Variants in PARD6A observed in about 807,000 individuals in gnomAD.
PARD6A encodes par-6 family cell polarity regulator alpha, also known as partitioning defective 6 homolog alpha.
In PARD6A, 20 loss-of-function variants were observed where a neutral mutation model predicts 21.3. That is an observed-to-expected ratio of 0.94 (90% CI 0.66 to 1.36). PARD6A has a LOEUF of 1.36. Ranked by LOEUF, PARD6A falls within the 40% of genes most tolerant of loss-of-function variation. PARD6A has a pLI of 0.00. For missense variants in PARD6A, 411 were observed against 482.0 expected, an observed-to-expected ratio of 0.85 and a Z score of 1.38; for synonymous variants, 214 against 204.8, an observed-to-expected ratio of 1.04 and a Z score of -0.38.
In PARD6A at chr16:67,661,176, G is replaced by A. The variant is rs554684021; in HGVS notation, c.63+75G>A. Reference sequence around the variant, plus strand: ...TCCCCTTCCCAGCTCCTTGGTCCCCGCCACCTCTTCCCTCTATCCTCCAAG... The same window carrying A: ...TCCCCTTCCCAGCTCCTTGGTCCCCACCACCTCTTCCCTCTATCCTCCAAG... On this transcript the variant is annotated intron_variant, in intron 1 of 2. Transcript: ENST00000458121. The surrounding 1 kb of genome is among the most constrained non-coding windows in gnomAD (Gnocchi z 7.0). 220 of 1,288,056 alleles carry A rather than the reference G, an allele frequency of 1.7e-4. No individual in the cohort carries two copies. The highest frequency in any genetic ancestry group is 2.4e-4 in the Non-Finnish European group (214 of 887,756). The allele number at this position is 1,288,056 out of a possible 1,614,324, so 79.8% of individuals were successfully genotyped here.
rs1325520786 is a variant in PARD6A at position 67,662,546 on chromosome 16, C to T, written c.937C>T (p.Pro313Ser). ...GGACCTGCACCCTGGCTGCCGACAT[C>T]CTGGTACCCGCAGCTCTCTGCCCTC... is the stretch of plus-strand genomic sequence containing the variant. Reference protein sequence around the residue: ...CWDLHPGCRHPGTRSSLPSLD... With the variant: ...CWDLHPGCRHSGTRSSLPSLD... The change falls in exon 3 of 3, where the codon CCT becomes TCT. Residue 313 changes from proline to serine, a missense_variant. Physicochemically the swap from Pro to Ser is moderately conservative, Grantham distance 74. Transcript: ENST00000458121. The surrounding 1 kb of genome is among the most constrained non-coding windows in gnomAD (Gnocchi z 6.9). 1 of 1,613,194 alleles carries T rather than the reference C, an allele frequency of 6.2e-7. No individual in the cohort carries two copies. The highest frequency in any genetic ancestry group is 1.7e-5 in the Admixed American group (1 of 60,026).
Position 67,661,640 on chromosome 16 carries a change from C to T in PARD6A, c.249C>T (p.Ser83=). 2.6e-6 allele frequency: 4 copies of T among 1,557,422 alleles called. No homozygotes were observed. Among genetic ancestry groups the T allele is most frequent in the Non-Finnish European group, 2.6e-6 (3 of 1,155,834 alleles). The change falls in exon 2 of 3, where the codon AGC becomes AGT. Residue 83 remains serine (S), a synonymous_variant. Transcript: ENST00000458121. The surrounding 1 kb of genome is among the most constrained non-coding windows in gnomAD (Gnocchi z 7.0). The part of the protein sequence containing the change: ...NDDSLHRALA[S]GPPPLRLLVQ... ...ACAGCCTGCACCGGGCCCTGGCCAG[C>T]GGGCCCCCGCCACTGCGCCTACTGG...
Position 67,661,674 on chromosome 16 carries a change from C to T in PARD6A, c.283C>T (p.Arg95Trp). 2 of 1,607,316 alleles carry T rather than the reference C, an allele frequency of 1.2e-6. No homozygotes were observed. Among genetic ancestry groups the T allele is most frequent in the Non-Finnish European group, 1.7e-6 (2 of 1,179,666 alleles). The change falls in exon 2 of 3, where the codon CGG (arginine) becomes TGG (tryptophan). Residue 95 changes from arginine (R) to tryptophan (W), a missense_variant. Arg to Trp is a moderately radical substitution (Grantham distance 101, BLOSUM62 -3). Coordinates refer to ENST00000458121, the MANE Select transcript of PARD6A (RefSeq NM_001037281.2). This position sits in a 1 kb window ranked among gnomAD's most constrained non-coding sequence, Gnocchi z 7.0. ...GCCACTGCGCCTACTGGTGCAGAAG[C>T]GGGGTGAGGAGGGGTACAGTGGGCA... ...PPPLRLLVQK[R>W]EADSSGLAFA...
In PARD6A at chr16:67,662,568, C is replaced by T; in HGVS notation, c.959C>T (p.Pro320Leu). The T allele has an allele frequency of 6.2e-7, 1 of 1,612,726 alleles. No individual in the cohort carries two copies. Among genetic ancestry groups the T allele is most frequent in the Non-Finnish European group, 8.5e-7 (1 of 1,179,848 alleles). The change falls in exon 3 of 3, where the codon CCC (proline) becomes CTC (leucine). Residue 320 changes from proline (P) to leucine (L), a missense_variant. Pro to Leu is a moderately conservative substitution (Grantham distance 98). Transcript: ENST00000458121. This position sits in a 1 kb window ranked among gnomAD's most constrained non-coding sequence, Gnocchi z 6.9. ...CRHPGTRSSL[P>L]SLDDQEQASS... ...CATCCTGGTACCCGCAGCTCTCTGC[C>T]CTCCCTGGATGACCAGGAGCAGGCC...
chr16:67,661,140 T>G lies in PARD6A; in HGVS notation c.63+39T>G, dbSNP rs1407531786. 6.6e-7 allele frequency: 1 copy of G among 1,505,184 alleles called. No individual in the cohort carries two copies. The highest frequency in any genetic ancestry group is 1.1e-5 in the South Asian group (1 of 89,002). The allele number at this position is 1,505,184 out of a possible 1,614,324, so 93.2% of individuals were successfully genotyped here. ...CGGCCTCGGCCCTAGGCGCTCCCAA[T>G]TCCCTCTTTCTCCCCTTCCCAGCTC... On this transcript the variant is annotated intron_variant, in intron 1 of 2. Transcript: ENST00000458121. The surrounding 1 kb of genome is among the most constrained non-coding windows in gnomAD (Gnocchi z 7.0).
chr16:67,662,366 A>G lies in PARD6A; in HGVS notation c.757A>G (p.Asn253Asp), dbSNP rs760468921. 5.0e-6 allele frequency: 8 copies of G among 1,614,088 alleles called. No individual in the cohort carries two copies. Among genetic ancestry groups the G allele is most frequent in the Non-Finnish European group, 6.8e-6 (8 of 1,180,032 alleles). The change falls in exon 3 of 3, where the codon AAC becomes GAC. Residue 253 changes from asparagine (N) to aspartate (D), a missense_variant. Asn to Asp is a conservative substitution (Grantham distance 23). Transcript: ENST00000458121. This position sits in a 1 kb window ranked among gnomAD's most constrained non-coding sequence, Gnocchi z 6.9. Reference sequence around the variant, plus strand: ...TGTCAAGCCCGCCAACCAGCGCAATAACGTGGTGCGAGGGGCATCTGGGCG... The same window carrying G: ...TGTCAAGCCCGCCAACCAGCGCAATGACGTGGTGCGAGGGGCATCTGGGCG... ...VTVKPANQRNNVVRGASGRLT... is the reference protein window; with the variant it reads ...VTVKPANQRNDVVRGASGRLT...
At position 67,662,235 on chromosome 16, in the gene PARD6A, C is replaced by A. The variant is rs376867217; in HGVS notation, c.626C>A (p.Ala209Glu). The change falls in exon 3 of 3, where the codon GCG becomes GAG. Residue 209 changes from alanine (A) to glutamate (E), a missense_variant. Coordinates refer to ENST00000458121, the MANE Select transcript of PARD6A (RefSeq NM_001037281.2). The surrounding 1 kb of genome is among the most constrained non-coding windows in gnomAD (Gnocchi z 6.9). ...CTGGCTGAGAGTACAGGGCTGCTGG[C>A]GGTCAGTGATGAGATCCTCGAGGTC... is the stretch of plus-strand genomic sequence containing the variant. The part of the protein sequence containing the change: ...GGLAESTGLL[A>E]VSDEILEVNG... 1 of 1,613,956 alleles carries A rather than the reference C, an allele frequency of 6.2e-7. No homozygotes were observed. The highest frequency in any genetic ancestry group is 1.3e-5 in the African/African-American group (1 of 74,892).
In PARD6A at chr16:67,662,494, T is replaced by A. The variant is rs1268978736; in HGVS notation, c.885T>A (p.Asn295Lys). Residue 295 changes from asparagine to lysine, a missense_variant, in exon 3 of 3, where the codon AAT becomes AAA. Coordinates refer to ENST00000458121, the MANE Select transcript of PARD6A (RefSeq NM_001037281.2). The surrounding 1 kb of genome is among the most constrained non-coding windows in gnomAD (Gnocchi z 6.9). ...AGAACCGCCAGCCTCCCAGTTCCAATGGGCTGTCTCAGGGGCCCCCGTGCT... is the reference window on the plus strand; with the variant it reads ...AGAACCGCCAGCCTCCCAGTTCCAAAGGGCTGTCTCAGGGGCCCCCGTGCT... ...VIENRQPPSSNGLSQGPPCWD... is the reference protein window; with the variant it reads ...VIENRQPPSSKGLSQGPPCWD... The A allele has an allele frequency of 6.2e-7, 1 of 1,613,572 alleles. No individual in the cohort carries two copies. The highest frequency in any genetic ancestry group is 8.5e-7 in the Non-Finnish European group (1 of 1,180,000).
In PARD6A at chr16:67,661,289, A is replaced by AG; in HGVS notation, c.64-163dup. ...AGCTCTCTGTGGCCTGAGTACCTGG[A>AG]GGGCGGTAAGAAGACCTTGGACAGC... On this transcript the variant is annotated intron_variant, in intron 1 of 2. Coordinates refer to ENST00000458121, the MANE Select transcript of PARD6A (RefSeq NM_001037281.2). The surrounding 1 kb of genome is among the most constrained non-coding windows in gnomAD (Gnocchi z 7.0). 9.5e-7 allele frequency: 1 copy of AG among 1,056,768 alleles called. No individual in the cohort carries two copies. Among genetic ancestry groups the AG allele is most frequent in the Non-Finnish European group, 1.4e-6 (1 of 737,202 alleles). 65.5% of individuals were successfully genotyped at this position (1,056,768 alleles called of 1,614,324 possible). A position where few individuals can be genotyped will look rare whatever the true frequency, so the allele number is the denominator to read the frequency against.
chr16:67,661,511 G>C lies in PARD6A; in HGVS notation c.120G>C (p.Gln40His). The C allele has an allele frequency of 6.2e-7, 1 of 1,610,036 alleles. No individual in the cohort carries two copies. The highest frequency in any genetic ancestry group is 1.1e-5 in the South Asian group (1 of 91,088). ...CTCGCGCTTCGGTGAGCGGCTTCCA[G>C]GAGTTCTCGCGGTTGCTGCGGGCGG... Reference protein sequence around the residue: ...ALPRASVSGFQEFSRLLRAVH... With the variant: ...ALPRASVSGFHEFSRLLRAVH... Residue 40 changes from glutamine (Q) to histidine (H), a missense_variant, in exon 2 of 3, where the codon CAG becomes CAC. Coordinates refer to ENST00000458121, the MANE Select transcript of PARD6A (RefSeq NM_001037281.2). This position sits in a 1 kb window ranked among gnomAD's most constrained non-coding sequence, Gnocchi z 7.0.
Position 67,661,930 on chromosome 16 carries a change from C to G in PARD6A, c.321C>G (p.Asn107Lys). 1 of 1,607,448 alleles carries G rather than the reference C, an allele frequency of 6.2e-7. No homozygotes were observed. Reference sequence around the variant, plus strand: ...CCAGCGGCCTGGCTTTTGCCTCCAACTCTCTGCAGCGGCGCAAGAAAGGGC... The same window carrying G: ...CCAGCGGCCTGGCTTTTGCCTCCAAGTCTCTGCAGCGGCGCAAGAAAGGGC... ...ADSSGLAFAS[N>K]SLQRRKKGLL... The change falls in exon 3 of 3, where the codon AAC becomes AAG. Residue 107 changes from asparagine to lysine, a missense_variant. Physicochemically the swap from Asn to Lys is moderately conservative, Grantham distance 94 (BLOSUM62 0). Transcript: ENST00000458121. This position sits in a 1 kb window ranked among gnomAD's most constrained non-coding sequence, Gnocchi z 7.0.
At position 67,662,646 on chromosome 16, in the gene PARD6A, GAC is replaced by G. The variant is rs1248589755; in HGVS notation, c.*1_*2del. 6.4e-7 allele frequency: 1 copy of G among 1,555,052 alleles called. No individual in the cohort carries two copies. ...GGAGATGGTAGTGGCTTCAGCCTCT[GAC>G]AGTCAGGATGAAGCCCCATGCCACT... On this transcript the variant is annotated stop_retained_variant and 3_prime_UTR_variant, in exon 3 of 3. Transcript: ENST00000458121. This position sits in a 1 kb window ranked among gnomAD's most constrained non-coding sequence, Gnocchi z 6.9.
In PARD6A at chr16:67,661,235, C is replaced by A; in HGVS notation, c.63+134C>A. The A allele has an allele frequency of 9.6e-7, 1 of 1,037,370 alleles. No individual in the cohort carries two copies. The highest frequency in any genetic ancestry group is 1.5e-6 in the Non-Finnish European group (1 of 686,010). The allele number at this position is 1,037,370 out of a possible 1,614,324, so 64.3% of individuals were successfully genotyped here. A position where few individuals can be genotyped will look rare whatever the true frequency, so the allele number is the denominator to read the frequency against. The stretch of plus-strand genomic sequence containing the variant: ...TGCTTTTCTGCTCGCCTTCCCCCAT[C>A]CGTCTTCCTTCCTCCACTGCTGGTC... On this transcript the variant is annotated intron_variant, in intron 1 of 2. Transcript: ENST00000458121. The surrounding 1 kb of genome is among the most constrained non-coding windows in gnomAD (Gnocchi z 7.0).
Position 67,661,074 on chromosome 16 carries a change from C to G in PARD6A, c.36C>G (p.Pro12=), listed in dbSNP as rs762285636. 2.5e-5 allele frequency: 41 copies of G among 1,607,972 alleles called. 1 individual carries two copies. The Admixed American group carries it at 6.9e-4, about 27-fold the overall frequency. The part of the protein sequence containing the change: ...ARPQRTPARS[P]DSIVEVKSKF... ...CGCAGAGGACTCCGGCGCGCAGTCC[C>G]GATAGCATCGTCGAGGTGAAGAGCA... Residue 12 remains proline (P), a synonymous_variant, in exon 1 of 3, where the codon CCC becomes CCG. Transcript: ENST00000458121. This position sits in a 1 kb window ranked among gnomAD's most constrained non-coding sequence, Gnocchi z 7.0.
chr16:67,661,346 A>T lies in PARD6A; in HGVS notation c.64-109A>T. 6.9e-7 allele frequency: 1 copy of T among 1,442,718 alleles called. No homozygotes were observed. Among genetic ancestry groups the T allele is most frequent in the South Asian group, 1.4e-5 (1 of 73,350 alleles). The allele number at this position is 1,442,718 out of a possible 1,614,324, so 89.4% of individuals were successfully genotyped here. Reference sequence around the variant, plus strand: ...GGTACTGGAGCTGAGGTCTGGGCTTAAGGCTGCCGCAAAAGCGGCAGCCGC... The same window carrying T: ...GGTACTGGAGCTGAGGTCTGGGCTTTAGGCTGCCGCAAAAGCGGCAGCCGC... On this transcript the variant is annotated intron_variant, in intron 1 of 2. Coordinates refer to ENST00000458121, the MANE Select transcript of PARD6A (RefSeq NM_001037281.2). The surrounding 1 kb of genome is among the most constrained non-coding windows in gnomAD (Gnocchi z 7.0).
chr16:67,661,405 A>G lies in PARD6A; in HGVS notation c.64-50A>G. Reference sequence around the variant, plus strand: ...CATTCCTGCCAGCCTGCGGTGAGAAAGGGGCGCAGGCTGTCCTGACTCCTC... The same window carrying G: ...CATTCCTGCCAGCCTGCGGTGAGAAGGGGGCGCAGGCTGTCCTGACTCCTC... On this transcript the variant is annotated intron_variant, in intron 1 of 2. Transcript: ENST00000458121. The surrounding 1 kb of genome is among the most constrained non-coding windows in gnomAD (Gnocchi z 7.0). The G allele has an allele frequency of 6.3e-7, 1 of 1,588,640 alleles. No individual in the cohort carries two copies. The highest frequency in any genetic ancestry group is 1.3e-5 in the African/African-American group (1 of 74,510).
chr16:67,661,677 G>A lies in PARD6A; in HGVS notation c.286G>A (p.Glu96Lys), dbSNP rs1388106829. 1 of 1,606,548 alleles carries A rather than the reference G, an allele frequency of 6.2e-7. No individual in the cohort carries two copies. Among genetic ancestry groups the A allele is most frequent in the Non-Finnish European group, 8.5e-7 (1 of 1,179,628 alleles). ...ACTGCGCCTACTGGTGCAGAAGCGG[G>A]GTGAGGAGGGGTACAGTGGGCAGCC... is the stretch of plus-strand genomic sequence containing the variant. ...PPLRLLVQKR[E>K]ADSSGLAFAS... Residue 96 changes from glutamate to lysine, a missense_variant and splice_region_variant, in exon 2 of 3, where the codon GAA becomes AAA. By Grantham distance (56) the Glu-to-Lys change is moderately conservative. Coordinates refer to ENST00000458121, the MANE Select transcript of PARD6A (RefSeq NM_001037281.2). The surrounding 1 kb of genome is among the most constrained non-coding windows in gnomAD (Gnocchi z 7.0).
At position 67,662,466 on chromosome 16, in the gene PARD6A, T is replaced by C. The variant is rs759118228; in HGVS notation, c.857T>C (p.Ile286Thr). The change falls in exon 3 of 3, where the codon ATT (isoleucine) becomes ACT (threonine). Residue 286 changes from isoleucine (I) to threonine (T), a missense_variant. Physicochemically the swap from Ile to Thr is moderately conservative, Grantham distance 89. Transcript: ENST00000458121. The surrounding 1 kb of genome is among the most constrained non-coding windows in gnomAD (Gnocchi z 6.9). ...GACGATGACAGCAGTGACCTGGTCA[T>C]TGAGAACCGCCAGCCTCCCAGTTCC... The part of the protein sequence containing the change: ...DSDDDSSDLV[I>T]ENRQPPSSNG... The C allele has an allele frequency of 1.2e-6, 2 of 1,613,526 alleles. No individual in the cohort carries two copies. The highest frequency in any genetic ancestry group is 2.2e-5 in the South Asian group (2 of 91,074).
In PARD6A at chr16:67,661,798, G is replaced by C. The variant is rs1426779885; in HGVS notation, c.287-98G>C. 6 of 1,540,054 alleles carry C rather than the reference G, an allele frequency of 3.9e-6. No individual in the cohort carries two copies. The East Asian group carries it at 1.3e-4, about 35-fold the overall frequency. ...CCTCTGCAGTCCCTGCCCTTGGCTT[G>C]ACCTCTAAGTGGTAGGAAATAGCTA... On this transcript the variant is annotated intron_variant, in intron 2 of 2. Coordinates refer to ENST00000458121, the MANE Select transcript of PARD6A (RefSeq NM_001037281.2). This position sits in a 1 kb window ranked among gnomAD's most constrained non-coding sequence, Gnocchi z 7.0.
Sources: gnomAD v4.1 joint callset for allele counts on GRCh38, gnomAD v4.1.1 for gene constraint, Gnocchi (gnomAD v3.1) non-coding constraint, MANE v1.5 for transcripts, NCBI Gene and HGNC (gene_info 2026-07-23, HGNC 2026-07-21) for gene names.